The following PCDHGA1 variants were observed in gnomAD, a reference collection of about 807,000 sequenced individuals.
PCDHGA1 encodes protocadherin gamma subfamily A, 1.
PCDHGA1 carries 32 observed loss-of-function variants against 58.0 expected under a neutral mutation model. The observed-to-expected ratio is 0.55, with a 90% CI of 0.42 to 0.74. The LOEUF is 0.74. Among genes scored for constraint, PCDHGA1 ranks in the 30% least tolerant of loss-of-function variants. The pLI, the probability that PCDHGA1 is intolerant of heterozygous loss-of-function variation, is 0.00. For synonymous variants in PCDHGA1, 498 were observed against 501.1 expected (o/e 0.99, Z 0.08); for missense variants, 1,205 against 1,182.3 (o/e 1.02, Z -0.28).
chr5:141,389,975 C>A (rs1318416407), intron 1 of PCDHGA1: 1 of 1,614,060 alleles, frequency 6.2e-7, no homozygotes, highest in Non-Finnish European at 8.5e-7. Flanking sequence ...TGGCCTTGAT[C>A]TCAGTGCTCT....
rs73279071 is a variant in PCDHGA1 at position 141,386,620 on chromosome 5, C to G, written c.2421+53515C>G. 8.3e-3 allele frequency among the ~76,000 whole-genome samples: 1,265 copies of G among 151,666 alleles called. 17 individuals carry two copies. The highest frequency in any genetic ancestry group is 0.029 in the African/African-American group (1,203 of 41,334). On this transcript the variant is annotated intron_variant, in intron 1 of 3. Transcript: ENST00000517417. ...ATTTTTTTTTTTTGACATGGAGTCTCGCTCTGTCACCCAGGCTGGATACAT... is the reference window on the plus strand; with the variant it reads ...ATTTTTTTTTTTTGACATGGAGTCTGGCTCTGTCACCCAGGCTGGATACAT...
intron 1 of PCDHGA1, chr5:141,346,524 C>G: frequency 6.3e-7 from 1 of 1,588,144 alleles, no homozygotes; most frequent in African/African-American, 1.4e-5. Flanking sequence ...AAAGCTTTAA[C>G]ACATATGTAT....
In PCDHGA1 at chr5:141,331,517, C is replaced by A. The variant is rs1322411833; in HGVS notation, c.833C>A (p.Thr278Lys). ...DPDEGANGEVTYSFHNVDHRV... is the reference protein window; with the variant it reads ...DPDEGANGEVKYSFHNVDHRV... ...GATGAGGGAGCCAATGGGGAAGTAACGTACTCCTTTCACAATGTAGACCAC... is the reference window on the plus strand; with the variant it reads ...GATGAGGGAGCCAATGGGGAAGTAAAGTACTCCTTTCACAATGTAGACCAC... The change falls in exon 1 of 4, where the codon ACG (threonine) becomes AAG (lysine). Residue 278 changes from threonine to lysine, a missense_variant. Transcript: ENST00000517417. 3.1e-6 allele frequency: 5 copies of A among 1,614,168 alleles called. 1 individual carries two copies. The South Asian group carries it at 5.5e-5, about 18-fold the overall frequency.
intron 1 of PCDHGA1, chr5:141,362,509 A>G: frequency 6.2e-7 from 1 of 1,614,038 alleles, no homozygotes; most frequent in African/African-American, 1.3e-5. Flanking sequence ...ACAAAATACA[A>G]ATCATGGAGC....
In PCDHGA1 at chr5:141,476,868, C is replaced by G. The variant is rs1213404395; in HGVS notation, c.2422-17939C>G. On this transcript the variant is annotated intron_variant, in intron 1 of 3. Transcript: ENST00000517417. This position sits in a 1 kb window ranked among gnomAD's most constrained non-coding sequence, Gnocchi z 7.6. Reference sequence around the variant, plus strand: ...GTCTTCAACCAGTCCTTGTACCGGGCGCGCGTCCTGGAGGATGCACCCTCC... The same window carrying G: ...GTCTTCAACCAGTCCTTGTACCGGGGGCGCGTCCTGGAGGATGCACCCTCC... 2.5e-6 allele frequency: 4 copies of G among 1,613,874 alleles called. No homozygotes were observed. Among genetic ancestry groups the G allele is most frequent in the Non-Finnish European group, 3.4e-6 (4 of 1,180,050 alleles).
intron 1 of PCDHGA1, chr5:141,356,733 A>G (rs755469317): frequency 1.2e-6 from 2 of 1,613,996 alleles, no homozygotes; most frequent in Non-Finnish European, 1.7e-6. Context: ...ACTCCAATAC[A>G]GGGATCCTAT....
Position 141,339,632 on chromosome 5 carries a change from G to C in PCDHGA1, c.2421+6527G>C, listed in dbSNP as rs769963743. ...CGTGGCTTCTGATGGGGGTGACCCA[G>C]TGCTATCTGGCACCTCCCGCATCTG... is the stretch of plus-strand genomic sequence containing the variant. On this transcript the variant is annotated intron_variant, in intron 1 of 3. Coordinates refer to ENST00000517417, the MANE Select transcript of PCDHGA1 (RefSeq NM_018912.3). 6.2e-7 allele frequency: 1 copy of C among 1,614,194 alleles called. No individual in the cohort carries two copies. Among genetic ancestry groups the C allele is most frequent in the Non-Finnish European group, 8.5e-7 (1 of 1,180,034 alleles).
At chr5:141,388,913 A>T in intron 1 of PCDHGA1, 1 of 1,614,040 alleles carries the variant, frequency 6.2e-7, no homozygotes, top group Non-Finnish European at 8.5e-7. Context: ...ACAACGCCCC[A>T]GAAGTGATAT....
At chr5:141,401,677 G>C (rs1017959276) in intron 1 of PCDHGA1, among the ~76,000 whole-genome samples, 2 of 152,184 alleles carry the variant, frequency 1.3e-5, no homozygotes, top group Non-Finnish European at 2.9e-5. Flanking sequence ...CATCCTTGTA[G>C]GATGGAAGGT....
intron 1 of PCDHGA1, among the ~76,000 whole-genome samples, chr5:141,456,266 C>G (rs1273258132): frequency 6.6e-6 from 1 of 152,128 alleles, no homozygotes; most frequent in Non-Finnish European, 1.5e-5. Context: ...TTGCTTCTGG[C>G]TACTTCCTGC....
intron 1 of PCDHGA1, chr5:141,423,349 T>A (rs2096733716): frequency 6.2e-7 from 1 of 1,614,196 alleles, no homozygotes; most frequent in East Asian, 2.2e-5. Context: ...CTTCCTGGTC[T>A]TTGTCATCGT....
intron 1 of PCDHGA1, among the ~76,000 whole-genome samples, chr5:141,447,279 A>G (rs1394174534): frequency 1.3e-5 from 2 of 152,156 alleles, no homozygotes; most frequent in African/African-American, 4.8e-5. Flanking sequence ...AGCTGGGACT[A>G]CAGGCACATG....
intron 2 of PCDHGA1, among the ~76,000 whole-genome samples, chr5:141,501,530 G>A (rs556760554): frequency 3.5e-4 from 53 of 151,998 alleles, no homozygotes; most frequent in Admixed American, 2.2e-3. Context: ...AGCCCAGTAC[G>A]TTGTTGTGCA....
intron 1 of PCDHGA1, among the ~76,000 whole-genome samples, chr5:141,452,476 C>T (rs968627914): frequency 6.6e-6 from 1 of 152,216 alleles, no homozygotes; most frequent in Admixed American, 6.5e-5. Context: ...AGGAAAAACA[C>T]ACATAAACAC....
At position 141,400,239 on chromosome 5, in the gene PCDHGA1, T is replaced by G. The variant is rs1306520918; in HGVS notation, c.2421+67134T>G. Reference sequence around the variant, plus strand: ...CAGTGCTCTTCCTCCTGGCCGTGATTCTGGCCGTTGCCTTGCGCCTGCGAC... The same window carrying G: ...CAGTGCTCTTCCTCCTGGCCGTGATGCTGGCCGTTGCCTTGCGCCTGCGAC... On this transcript the variant is annotated intron_variant, in intron 1 of 3. Coordinates refer to ENST00000517417, the MANE Select transcript of PCDHGA1 (RefSeq NM_018912.3). 1.9e-6 allele frequency: 3 copies of G among 1,614,054 alleles called. No individual in the cohort carries two copies. The highest frequency in any genetic ancestry group is 2.2e-5 in the East Asian group (1 of 44,880).
rs1236813956 is a variant in PCDHGA1, at chr5:141,480,634, TTTCAAAC to T, written c.2422-14170_2422-14164del. On this transcript the variant is annotated intron_variant, in intron 1 of 3. Transcript: ENST00000517417. The stretch of plus-strand genomic sequence containing the variant: ...ACTGGCATTTTCCCTAGAACAATGT[TTTCAAAC>T]TTGGTTGCACATTAAAATCACCTAG... Among the ~76,000 whole-genome samples the T allele has an allele frequency of 3.9e-5, 6 of 152,332 alleles. No individual in the cohort carries two copies. In the East Asian group the frequency reaches 1.2e-3, roughly 29 times the overall value.
Position 141,490,911 on chromosome 5 carries a change from G to C in PCDHGA1, c.2422-3896G>C. On this transcript the variant is annotated intron_variant, in intron 1 of 3. Coordinates refer to ENST00000517417, the MANE Select transcript of PCDHGA1 (RefSeq NM_018912.3). The surrounding 1 kb of genome is among the most constrained non-coding windows in gnomAD (Gnocchi z 5.4). ...CTCTGCATGTGTTTGTCCTAGACGA[G>C]AATGATAATGCCCCAGCTGTGCTGC... is the stretch of plus-strand genomic sequence containing the variant. The C allele has an allele frequency of 6.2e-7, 1 of 1,613,722 alleles. No homozygotes were observed. Among genetic ancestry groups the C allele is most frequent in the East Asian group, 2.2e-5 (1 of 44,870 alleles).
At position 141,383,787 on chromosome 5, in the gene PCDHGA1, G is replaced by A. The variant is rs773505278; in HGVS notation, c.2421+50682G>A. 12 of 1,613,832 alleles carry A rather than the reference G, an allele frequency of 7.4e-6. No homozygotes were observed. In the South Asian group the frequency reaches 7.7e-5, roughly 10 times the overall value. On this transcript the variant is annotated intron_variant, in intron 1 of 3. Transcript: ENST00000517417. ...TTCCAAAGATGTTTCATCTGAACTC[G>A]CTTACAGGAGAAATATCAACTTTAG...
At chr5:141,371,332 A>T (rs1481476869) in intron 1 of PCDHGA1, 1 of 1,613,988 alleles carries the variant, frequency 6.2e-7, no homozygotes, top group South Asian at 1.1e-5. Flanking sequence ...GAAGAGAGAG[A>T]TAGCTACACA....
Sources: gnomAD v4.1 joint callset for allele counts (sites outside exome capture counted in the v4.1 genomes callset) on GRCh38, gnomAD v4.1.1 for gene constraint, Gnocchi (gnomAD v3.1) non-coding constraint, MANE v1.5 for transcripts, NCBI Gene and HGNC (gene_info 2026-07-23, HGNC 2026-07-21) for gene names.